C12orf42: variants seen among roughly 807,000 people sequenced by gnomAD.
The protein encoded by C12orf42 is uncharacterized protein C12orf42.
Under a neutral mutation model 21.6 loss-of-function variants are expected in C12orf42, and 25 were observed. That is an observed-to-expected ratio of 1.16 (90% CI 0.84 to 1.62). The LOEUF is 1.62. Ranked by LOEUF, C12orf42 falls within the 40% of genes most tolerant of loss-of-function variation. The pLI, the probability that C12orf42 is intolerant of heterozygous loss-of-function variation, is 0.00. For synonymous variants in C12orf42, 174 were observed against 175.0 expected, an observed-to-expected ratio of 0.99 and a Z score of 0.05; for missense variants, 483 against 459.3, an observed-to-expected ratio of 1.05 and a Z score of -0.47.
At chr12:103,373,182 C>CA (rs1264737562) in intron 3 of C12orf42, among the ~76,000 whole-genome samples, 1 of 152,128 alleles carries the variant, frequency 6.6e-6, no homozygotes, top group Non-Finnish European at 1.5e-5. Flanking sequence ...ACTTTCACCA[C>CA]AAAGATACAA....
intron 10 of C12orf42, among the ~76,000 whole-genome samples, chr12:103,258,562 T>C (rs951202812): frequency 2.0e-5 from 3 of 151,680 alleles, no homozygotes; most frequent in African/African-American, 7.2e-5. Flanking sequence ...AATCAAAAAA[T>C]AAGAATAAAA....
chr12:103,401,366 C>G (rs2374065), intron 3 of C12orf42, among the ~76,000 whole-genome samples: 98,599 of 152,044 alleles, frequency 0.65, 32,621 homozygotes, highest in Admixed American at 0.74. Context: ...GGATGATACA[C>G]GTTTTTCTAG....
At chr12:103,273,359 A>G (rs2035577554) in intron 5 of C12orf42, among the ~76,000 whole-genome samples, 2 of 152,218 alleles carry the variant, frequency 1.3e-5, no homozygotes, top group African/African-American at 4.8e-5. Context: ...ATACTATATA[A>G]TTAAAACTGT....
the C12orf42 span, among the ~76,000 whole-genome samples, chr12:103,146,577 A>AATG: frequency 2.0e-5 from 3 of 148,324 alleles, no homozygotes; most frequent in Admixed American, 1.3e-4. Flanking sequence ...AGAAAGAAAG[A>AATG]AAGAAAGAAA....
chr12:103,081,725 T>C, the C12orf42 span, among the ~76,000 whole-genome samples: 1 of 152,328 alleles, frequency 6.6e-6, no homozygotes, highest in East Asian at 1.9e-4. Context: ...AGTGGTTTAG[T>C]TCCATTCTGT....
chr12:103,280,483 G>A (rs947604005), intron 4 of C12orf42, among the ~76,000 whole-genome samples: 2 of 152,054 alleles, frequency 1.3e-5, no homozygotes, highest in Non-Finnish European at 2.9e-5. Flanking sequence ...GCCAGGCATG[G>A]TAGCATGCAC....
At chr12:103,087,028 C>T in the C12orf42 span, among the ~76,000 whole-genome samples, 4 of 152,078 alleles carry the variant, frequency 2.6e-5, no homozygotes, top group African/African-American at 4.8e-5. Context: ...CTTAGTATTC[C>T]ATTTAGTAAT....
chr12:103,160,367 T>C, the C12orf42 span, among the ~76,000 whole-genome samples: 1 of 152,238 alleles, frequency 6.6e-6, no homozygotes. Context: ...GAAGTCAATG[T>C]GAAAGGTTTA....
At chr12:103,198,588 C>T in the C12orf42 span, among the ~76,000 whole-genome samples, 1 of 152,224 alleles carries the variant, frequency 6.6e-6, no homozygotes, top group Non-Finnish European at 1.5e-5. Flanking sequence ...AGGCTGTAGT[C>T]CTGTCACTGC....
At chr12:103,388,697 T>G (rs1173981241) in intron 3 of C12orf42, among the ~76,000 whole-genome samples, 1 of 151,904 alleles carries the variant, frequency 6.6e-6, no homozygotes. Flanking sequence ...CTCCCCAAAC[T>G]CCAAATGGAA....
At chr12:103,436,285 C>A (rs969368265) in intron 2 of C12orf42, among the ~76,000 whole-genome samples, 2 of 151,842 alleles carry the variant, frequency 1.3e-5, no homozygotes, top group Non-Finnish European at 1.5e-5. Context: ...CGGTACCAGG[C>A]GCTGCAAAAT....
At chr12:103,507,177 A>G in the C12orf42 span, among the ~76,000 whole-genome samples, 1 of 23,556 alleles carries the variant, frequency 4.2e-5, no homozygotes, top group Non-Finnish European at 5.5e-5. Context: ...ATATATTTAT[A>G]TTATATATAA....
At chr12:103,164,291 A>T in the C12orf42 span, 1 of 397,162 alleles carries the variant, frequency 2.5e-6, no homozygotes, top group South Asian at 1.9e-5. Context: ...AACTTTCAGT[A>T]GTCACTTCTT....
the C12orf42 span, among the ~76,000 whole-genome samples, chr12:103,561,431 G>C: frequency 6.6e-6 from 1 of 152,166 alleles, no homozygotes; most frequent in Admixed American, 6.5e-5. Context: ...TCTGGTAAGG[G>C]CAGTCTTTCG....
At chr12:103,471,700 C>A (rs1953620209) in intron 2 of C12orf42, among the ~76,000 whole-genome samples, 1 of 152,190 alleles carries the variant, frequency 6.6e-6, no homozygotes, top group Admixed American at 6.5e-5. Context: ...TTGGTCTACA[C>A]CCCATGGTAA....
At chr12:103,140,565 A>G in the C12orf42 span, among the ~76,000 whole-genome samples, 2 of 152,192 alleles carry the variant, frequency 1.3e-5, no homozygotes, top group African/African-American at 4.8e-5. Flanking sequence ...GTTACATAAT[A>G]GTCAACAATC....
chr12:103,496,979 G>T (rs1043517597), upstream of C12orf42, among the ~76,000 whole-genome samples: 2 of 151,518 alleles, frequency 1.3e-5, no homozygotes, highest in Non-Finnish European at 2.9e-5. Flanking sequence ...TTGTACTATT[G>T]ACCCTATGTT....
At chr12:103,242,022 A>C (rs112615993) in intron 10 of C12orf42, among the ~76,000 whole-genome samples, 6 of 152,288 alleles carry the variant, frequency 3.9e-5, no homozygotes, top group African/African-American at 1.4e-4. Context: ...TCTTCCAAGG[A>C]CAAGGTAAAG....
At chr12:103,562,816 C>G in the C12orf42 span, among the ~76,000 whole-genome samples, 1 of 152,162 alleles carries the variant, frequency 6.6e-6, no homozygotes, top group Non-Finnish European at 1.5e-5. Context: ...CCTTCCACAC[C>G]TCACCTCTCT....
Sources: allele counts gnomAD v4.1 joint callset (sites outside exome capture counted in the v4.1 genomes callset), GRCh38; gene constraint gnomAD v4.1.1; transcripts MANE v1.5; gene names NCBI Gene and HGNC (gene_info 2026-07-23, HGNC 2026-07-21).